PDZD2: variants seen among roughly 807,000 people sequenced by gnomAD.
The protein encoded by PDZD2 is PDZ domain containing 2, also known as PDZ domain-containing protein 2.
In PDZD2, 90 loss-of-function variants were observed where a neutral mutation model predicts 220.7. The ratio of observed to expected loss-of-function variants is 0.41; its 90% CI spans 0.34 to 0.49. The LOEUF (loss-of-function observed/expected upper bound fraction) is 0.49, where lower values mean the gene tolerates loss of function less well. Ranked by LOEUF, PDZD2 falls within the 20% of genes least tolerant of loss-of-function variation. The pLI is 0.28. For missense variants in PDZD2, 3,174 were observed against 3,608.5 expected, an observed-to-expected ratio of 0.88 and a Z score of 3.08; for synonymous variants, 1,375 against 1,450.5, an observed-to-expected ratio of 0.95 and a Z score of 1.18.
intron 13 of PDZD2, 152 bp downstream of exon 13, chr5:32,059,508 C>A: frequency 2.0e-6 from 1 of 496,970 alleles, no homozygotes; most frequent in Non-Finnish European, 3.6e-6. Context: ...AATAGCATCT[C>A]CAAAAATGTA....
chr5:31,654,497 G>A (rs529158555), intron 1 of PDZD2, among the ~76,000 whole-genome samples: 47 of 152,096 alleles, frequency 3.1e-4, no homozygotes, highest in Admixed American at 7.9e-4. Context: ...TCCGTAAGCC[G>A]AGAACTCCCA....
At chr5:31,855,044 A>G (rs1364517018) in intron 2 of PDZD2, 3 of 985,180 alleles carry the variant, frequency 3.0e-6, no homozygotes, top group Non-Finnish European at 3.6e-6. Flanking sequence ...TGATTAGGCT[A>G]ATGAGCTGCC....
intron 2 of PDZD2, among the ~76,000 whole-genome samples, chr5:31,807,290 G>A (rs1580795422): frequency 6.6e-6 from 1 of 152,144 alleles, no homozygotes; most frequent in African/African-American, 2.4e-5. Flanking sequence ...TGCGGGCCTC[G>A]GAGAGAGGTG....
intron 1 of PDZD2, among the ~76,000 whole-genome samples, chr5:31,791,731 A>G (rs1753743499): frequency 1.3e-5 from 2 of 152,104 alleles, no homozygotes; most frequent in East Asian, 3.9e-4. Flanking sequence ...AGGCAATTTG[A>G]CCAGATACTT....
chr5:31,859,201 C>T (rs925680010), intron 2 of PDZD2, among the ~76,000 whole-genome samples: 1 of 152,154 alleles, frequency 6.6e-6, no homozygotes, highest in Non-Finnish European at 1.5e-5. Flanking sequence ...AAAACATAGC[C>T]TTCAAATTTT....
intron 2 of PDZD2, among the ~76,000 whole-genome samples, chr5:31,821,049 C>G (rs1002204178): frequency 2.0e-5 from 3 of 151,710 alleles, no homozygotes; most frequent in African/African-American, 7.3e-5. Flanking sequence ...TCTTTTTACC[C>G]CATGTGGTTA....
chr5:31,732,337 G>A (rs1304211533), intron 1 of PDZD2, among the ~76,000 whole-genome samples: 1 of 152,204 alleles, frequency 6.6e-6, no homozygotes, highest in East Asian at 1.9e-4. Context: ...ACTCAATGAT[G>A]TCATCTCTTT....
intron 1 of PDZD2, among the ~76,000 whole-genome samples, chr5:31,768,756 T>C (rs904287497): frequency 6.6e-6 from 1 of 152,030 alleles, no homozygotes; most frequent in Admixed American, 6.6e-5. Context: ...CCCTGCCTCA[T>C]GTCATGATTG....
chr5:31,984,318 A>G (rs561725370), intron 3 of PDZD2, among the ~76,000 whole-genome samples: 10 of 152,296 alleles, frequency 6.6e-5, no homozygotes, highest in African/African-American at 2.4e-4. Flanking sequence ...GATAAGGGGT[A>G]AGCTTCTAGC....
intron 1 of PDZD2, among the ~76,000 whole-genome samples, chr5:31,739,353 C>T (rs1050927748): frequency 6.6e-6 from 1 of 151,808 alleles, no homozygotes; most frequent in African/African-American, 2.4e-5. Flanking sequence ...TTCATCAGAG[C>T]ATCATTTATG....
chr5:31,840,429 TATATATA>T (rs1757217560), intron 2 of PDZD2: 1 of 104,144 alleles, frequency 9.6e-6, no homozygotes, highest in African/African-American at 3.9e-5. Flanking sequence ...TATATATATA[TATATATA>T]TATATATATA....
At chr5:31,659,259 C>T (rs569575268) in intron 1 of PDZD2, among the ~76,000 whole-genome samples, 4 of 152,162 alleles carry the variant, frequency 2.6e-5, no homozygotes, top group African/African-American at 7.2e-5. Context: ...CATACTTTGC[C>T]TCTTAAACAA....
intron 6 of PDZD2, among the ~76,000 whole-genome samples, chr5:32,026,040 G>A (rs1251418553): frequency 1.3e-5 from 2 of 152,116 alleles, no homozygotes; most frequent in African/African-American, 4.8e-5. Context: ...TATGTTTACT[G>A]TTGCTGCTGA....
intron 2 of PDZD2, among the ~76,000 whole-genome samples, chr5:31,877,102 C>G (rs1739371097): frequency 6.6e-6 from 1 of 152,174 alleles, no homozygotes; most frequent in Non-Finnish European, 1.5e-5. Flanking sequence ...GATTGTTACT[C>G]TATAATAGCA....
At chr5:31,969,509 C>CAAAAAAAAAA (rs56755290) in intron 2 of PDZD2, among the ~76,000 whole-genome samples, 1,501 of 51,400 alleles carry the variant, frequency 0.029, 227 homozygotes, top group South Asian at 0.042. Context: ...GCCCCCTCTC[C>CAAAAAAAAAA]AAAAAAAAAA....
At chr5:31,765,569 A>G (rs1751950716) in intron 1 of PDZD2, among the ~76,000 whole-genome samples, 1 of 151,914 alleles carries the variant, frequency 6.6e-6, no homozygotes, top group Admixed American at 6.6e-5. Context: ...GGCTCTGGGG[A>G]ATAATGGAAG....
intron 2 of PDZD2, among the ~76,000 whole-genome samples, chr5:31,925,761 C>CAA (rs70957983): frequency 1.0e-4 from 14 of 137,642 alleles, no homozygotes; most frequent in South Asian, 2.4e-4. Context: ...AGCCAACAAG[C>CAA]AAAAAAAAAA....
At chr5:31,986,740 A>T (rs1172477422) in intron 3 of PDZD2, among the ~76,000 whole-genome samples, 1 of 152,152 alleles carries the variant, frequency 6.6e-6, no homozygotes, top group African/African-American at 2.4e-5. Context: ...TAATGATTTA[A>T]TATAGCTGCA....
In PDZD2 at chr5:31,840,863, A is replaced by G. The variant is rs139148988; in HGVS notation, c.476+41139A>G. On this transcript the variant is annotated intron_variant, in intron 2 of 24. Coordinates refer to ENST00000438447, the MANE Select transcript of PDZD2 (RefSeq NM_178140.4). ...CCATTCCCTTGATGTCTACAATATC[A>G]CCTTTCTTATAGATTCACATATACA... is the stretch of plus-strand genomic sequence containing the variant. 2.7e-3 allele frequency: 1,905 copies of G among 705,956 alleles called. 45 individuals carry two copies. The East Asian group carries it at 0.045, about 17-fold the overall frequency. The allele number at this position is 705,956 out of a possible 1,614,324, so 43.7% of individuals were successfully genotyped here.
Sources: allele counts gnomAD v4.1 joint callset (sites outside exome capture counted in the v4.1 genomes callset), GRCh38; gene constraint gnomAD v4.1.1; transcripts MANE v1.5; gene names NCBI Gene and HGNC (gene_info 2026-07-23, HGNC 2026-07-21).